CDH2: variants seen among roughly 807,000 people sequenced by gnomAD.
CDH2 encodes cadherin 2, also known as cadherin-2.
CDH2 carries 17 observed loss-of-function variants against 92.0 expected under a neutral mutation model. The observed-to-expected ratio is 0.18, with a 90% CI of 0.13 to 0.28. The LOEUF is 0.28. Ranked by LOEUF, CDH2 falls within the 10% of genes least tolerant of loss-of-function variation. The probability of loss-of-function intolerance (pLI) is 1.00; values close to 1 mark genes in which losing one functional copy is unlikely to be tolerated. For missense variants in CDH2, 862 were observed against 1,133.1 expected (o/e 0.76, Z 3.44); for synonymous variants, 419 against 415.9 (o/e 1.01, Z -0.09).
At chr18:28,129,076 A>T (rs1304851564) in intron 2 of CDH2, among the ~76,000 whole-genome samples, 1 of 152,206 alleles carries the variant, frequency 6.6e-6, no homozygotes, top group Non-Finnish European at 1.5e-5. Flanking sequence ...CAAAAGCATT[A>T]GGCATCGTAT....
intron 11 of CDH2, 122 bp from the exon 12 acceptor site, chr18:27,985,883 A>T (rs1951007330): frequency 1.6e-6 from 1 of 627,308 alleles, no homozygotes; most frequent in Non-Finnish European, 2.7e-6. Flanking sequence ...TTGGAAAAAC[A>T]TAGTTGCTAT....
At chr18:28,000,489 C>A (rs954576550) in intron 7 of CDH2, among the ~76,000 whole-genome samples, 1 of 152,094 alleles carries the variant, frequency 6.6e-6, no homozygotes, top group African/African-American at 2.4e-5. Flanking sequence ...GATGCAGGAG[C>A]TGAGGTTTCA....
At chr18:28,134,667 T>C (rs944278715) in intron 2 of CDH2, among the ~76,000 whole-genome samples, 1 of 152,144 alleles carries the variant, frequency 6.6e-6, no homozygotes, top group Non-Finnish European at 1.5e-5. Flanking sequence ...GCCATGATCG[T>C]ACCACTGCAC....
rs750196063 is a variant in CDH2 at position 28,177,068 on chromosome 18, G to GCGGCGA, written c.-47_-46insTCGCCG. Reference sequence around the variant, plus strand: ...CGAAGAGCCGGAGGAGGCGGCGGCGGCGGCGGCGGCGGCGGAGGAGGAGGA... The same window carrying GCGGCGA: ...CGAAGAGCCGGAGGAGGCGGCGGCGGCGGCGACGGCGGCGGCGGCGGAGGAGGAGGA... On this transcript the variant is annotated 5_prime_UTR_variant, in exon 1 of 16. Transcript: ENST00000269141. The GCGGCGA allele has an allele frequency of 5.8e-4, 794 of 1,364,156 alleles. 5 individuals carry two copies. The African/African-American group carries it at 0.01, about 18-fold the overall frequency. The allele number at this position is 1,364,156 out of a possible 1,614,324, so 84.5% of individuals were successfully genotyped here. A position where few individuals can be genotyped will look rare whatever the true frequency, so the allele number is the denominator to read the frequency against.
intron 2 of CDH2, among the ~76,000 whole-genome samples, chr18:28,132,243 G>C (rs1389859352): frequency 6.6e-6 from 1 of 152,208 alleles, no homozygotes; most frequent in Admixed American, 6.5e-5. Context: ...GCACGGAACA[G>C]AAACTCATCT....
At position 27,952,023 on chromosome 18, in the gene CDH2, G is replaced by A. The variant is rs1909479135; in HGVS notation, c.*130C>T. 1 of 781,044 alleles carries A rather than the reference G, an allele frequency of 1.3e-6. No individual in the cohort carries two copies. The highest frequency in any genetic ancestry group is 2.1e-5 in the Admixed American group (1 of 48,746). The allele number at this position is 781,044 out of a possible 1,614,324, so 48.4% of individuals were successfully genotyped here. On this transcript the variant is annotated 3_prime_UTR_variant, in exon 16 of 16. Transcript: ENST00000269141. ...CCCTCTGAGCCCAAATTGGTTTGCAGCCTATGCCAAAGCCTCCAGCAAGCA... is the reference window on the plus strand; with the variant it reads ...CCCTCTGAGCCCAAATTGGTTTGCAACCTATGCCAAAGCCTCCAGCAAGCA...
At chr18:27,945,323 A>ATTTTTTTTTTTTTTTTT (rs66537834) in intron 6 of CDH2, among the ~76,000 whole-genome samples, 3 of 66,458 alleles carry the variant, frequency 4.5e-5, no homozygotes, top group African/African-American at 1.2e-4. Context: ...AGGAAGGAAG[A>ATTTTTTTTTTTTTTTTT]TTTTTTTTTT....
chr18:27,942,628 T>C (rs954183570), intron 6 of CDH2, among the ~76,000 whole-genome samples: 1 of 152,202 alleles, frequency 6.6e-6, no homozygotes, highest in Admixed American at 6.5e-5. Flanking sequence ...ATCCAAGCTA[T>C]GCTGCATAAA....
intron 2 of CDH2, chr18:28,045,615 G>T (rs1599059488): frequency 3.3e-6 from 1 of 307,544 alleles, no homozygotes; most frequent in Non-Finnish European, 6.4e-6. Flanking sequence ...TGGGCCAGTG[G>T]CTACTCATCT....
chr18:28,074,502 T>C (rs2014680623), intron 2 of CDH2, among the ~76,000 whole-genome samples: 2 of 152,106 alleles, frequency 1.3e-5, no homozygotes, highest in African/African-American at 4.8e-5. Flanking sequence ...CGCATCAGCC[T>C]CCCAAAGTGC....
At chr18:28,116,281 G>A (rs2015494762) in intron 2 of CDH2, among the ~76,000 whole-genome samples, 1 of 152,154 alleles carries the variant, frequency 6.6e-6, no homozygotes, top group Non-Finnish European at 1.5e-5. Context: ...ACTTGTTAGG[G>A]AGAGGCCACT....
At chr18:27,957,203 C>A (rs1482899122) in intron 15 of CDH2, among the ~76,000 whole-genome samples, 1 of 151,842 alleles carries the variant, frequency 6.6e-6, no homozygotes, top group Non-Finnish European at 1.5e-5. Flanking sequence ...TTTCCCCAAC[C>A]ATGACTTAGG....
At chr18:28,157,271 T>C (rs948462356) in intron 1 of CDH2, among the ~76,000 whole-genome samples, 4 of 152,190 alleles carry the variant, frequency 2.6e-5, no homozygotes, top group Non-Finnish European at 4.4e-5. Flanking sequence ...TCAAATAGTA[T>C]AGCACTTGGC....
chr18:28,140,218 A>G (rs2015930168), intron 2 of CDH2, among the ~76,000 whole-genome samples: 1 of 152,078 alleles, frequency 6.6e-6, no homozygotes, highest in Non-Finnish European at 1.5e-5. Flanking sequence ...AGAAAAAAAT[A>G]TAGGGGTAAA....
At chr18:27,999,948 C>T (rs1480509815) in intron 7 of CDH2, among the ~76,000 whole-genome samples, 1 of 152,002 alleles carries the variant, frequency 6.6e-6, no homozygotes, top group Non-Finnish European at 1.5e-5. Flanking sequence ...GGCATTTCCC[C>T]TGCTTGCACT....
At chr18:28,016,785 T>C (rs1463626712) in intron 2 of CDH2, among the ~76,000 whole-genome samples, 1 of 152,136 alleles carries the variant, frequency 6.6e-6, no homozygotes, top group East Asian at 1.9e-4. Context: ...GAAAAATGCA[T>C]ACGAAGAGAA....
At chr18:28,027,570 A>G (rs2144074512) in intron 2 of CDH2, among the ~76,000 whole-genome samples, 1 of 152,160 alleles carries the variant, frequency 6.6e-6, no homozygotes, top group East Asian at 1.9e-4. Context: ...ATAGAAAAAT[A>G]ATTATGGTAT....
intron 2 of CDH2, among the ~76,000 whole-genome samples, chr18:28,017,248 T>G (rs570674416): frequency 3.3e-4 from 48 of 143,436 alleles, no homozygotes; most frequent in African/African-American, 1.2e-3. Context: ...GTCCTTGAAT[T>G]TTTTTTCTTG....
intron 2 of CDH2, among the ~76,000 whole-genome samples, chr18:28,058,146 G>C (rs1206428328): frequency 6.6e-6 from 1 of 152,176 alleles, no homozygotes; most frequent in Non-Finnish European, 1.5e-5. Context: ...TTGGATCAAA[G>C]CAGTACATGC....
Sources: gnomAD v4.1 joint callset for allele counts (sites outside exome capture counted in the v4.1 genomes callset) on GRCh38, gnomAD v4.1.1 for gene constraint, MANE v1.5 for transcripts, NCBI Gene and HGNC (gene_info 2026-07-23, HGNC 2026-07-21) for gene names.